Variants in SS18 observed in about 807,000 individuals in gnomAD.
SS18 encodes protein SSXT.
In SS18, 28 loss-of-function variants were observed where a neutral mutation model predicts 72.5. The observed-to-expected ratio is 0.39, with a 90% CI of 0.29 to 0.53. The LOEUF (loss-of-function observed/expected upper bound fraction) is 0.53. Among genes scored for constraint, SS18 ranks in the 20% least tolerant of loss-of-function variants. SS18 has a pLI of 0.76. For missense variants in SS18, 518 were observed against 535.3 expected (o/e 0.97, Z 0.32); for synonymous variants, 172 against 164.2 (o/e 1.05, Z -0.37).
At chr18:26,037,276 T>C (rs544205499) in intron 7 of SS18, among the ~76,000 whole-genome samples, 14 of 152,148 alleles carry the variant, frequency 9.2e-5, no homozygotes, top group Admixed American at 3.3e-4. Context: ...ACAATACACA[T>C]GTCACATTTC....
chr18:26,062,888 A>G (rs1267487714), intron 3 of SS18, among the ~76,000 whole-genome samples: 1 of 152,228 alleles, frequency 6.6e-6, no homozygotes, highest in Non-Finnish European at 1.5e-5. Context: ...AAAAGTTGAC[A>G]GAACTAAAAG....
intron 2 of SS18, chr18:26,080,412 T>G (rs964475356): frequency 1.0e-6 from 1 of 985,206 alleles, no homozygotes; most frequent in Admixed American, 6.1e-5. Context: ...CAGATGTGGT[T>G]TATTCATGAC....
In SS18 at chr18:26,073,727, T is replaced by G. The variant is rs193253925; in HGVS notation, c.231+4349A>C. Among the ~76,000 whole-genome samples the G allele has an allele frequency of 4.0e-3, 614 of 152,334 alleles. 1 individual carries two copies. The highest frequency in any genetic ancestry group is 5.8e-3 in the Non-Finnish European group (396 of 68,018). On this transcript the variant is annotated intron_variant, in intron 3 of 10. Coordinates refer to ENST00000415083, the MANE Select transcript of SS18 (RefSeq NM_001007559.3). ...TAAAAATTATTTTGTAAATTCTCCA[T>G]GTCTTGTAAATAAATATTCAGTGAC...
chr18:26,083,831 TAA>T (rs1419685412), intron 2 of SS18, among the ~76,000 whole-genome samples: 1 of 152,176 alleles, frequency 6.6e-6, no homozygotes, highest in African/African-American at 2.4e-5. Flanking sequence ...TATCCACAGT[TAA>T]ACCAAAGAAG....
intron 2 of SS18, among the ~76,000 whole-genome samples, chr18:26,083,318 C>G (rs1161968879): frequency 6.6e-6 from 1 of 152,106 alleles, no homozygotes; most frequent in East Asian, 1.9e-4. Flanking sequence ...TAGACCTAAA[C>G]ATACACTATC....
Position 26,056,915 on chromosome 18 carries a change from A to C in SS18, c.385+674T>G, listed in dbSNP as rs193101244. The stretch of plus-strand genomic sequence containing the variant: ...TTTCAAACCAGCCAAAGGTAACTAA[A>C]TCAGCATCCAATGTCTTAAAACATA... On this transcript the variant is annotated intron_variant, in intron 4 of 10. Coordinates refer to ENST00000415083, the MANE Select transcript of SS18 (RefSeq NM_001007559.3). Among the ~76,000 whole-genome samples the C allele has an allele frequency of 1.2e-3, 179 of 152,350 alleles. 1 individual carries two copies. Among genetic ancestry groups the C allele is most frequent in the African/African-American group, 4.2e-3 (176 of 41,586 alleles).
chr18:26,054,965 C>G (rs975270940), intron 4 of SS18, among the ~76,000 whole-genome samples: 1 of 151,914 alleles, frequency 6.6e-6, no homozygotes, highest in Non-Finnish European at 1.5e-5. Context: ...TCTTGAACTC[C>G]TGACCTCAAC....
chr18:26,021,647 T>G (rs1266410953), intron 10 of SS18, among the ~76,000 whole-genome samples: 1 of 151,878 alleles, frequency 6.6e-6, no homozygotes, highest in Non-Finnish European at 1.5e-5. Context: ...AAGATAAGGG[T>G]GTAGGTTAGA....
At chr18:26,053,642 G>A (rs2053962302) in intron 4 of SS18, among the ~76,000 whole-genome samples, 2 of 150,408 alleles carry the variant, frequency 1.3e-5, no homozygotes, top group African/African-American at 5.0e-5. Context: ...AAAAGAATGG[G>A]CAAAGGACAT....
intron 5 of SS18, among the ~76,000 whole-genome samples, chr18:26,050,328 T>C (rs1215003734): frequency 6.6e-6 from 1 of 152,018 alleles, no homozygotes; most frequent in Admixed American, 6.5e-5. Flanking sequence ...AATACTAGCT[T>C]AGTTGCTGAA....
intron 10 of SS18, among the ~76,000 whole-genome samples, chr18:26,031,023 A>C (rs1299013025): frequency 6.6e-6 from 1 of 152,218 alleles, no homozygotes; most frequent in Non-Finnish European, 1.5e-5. Context: ...GACCTACTGC[A>C]GTATCAAACA....
rs557055933 is a variant in SS18, at chr18:26,081,779, T to C, written c.147-3619A>G. On this transcript the variant is annotated intron_variant, in intron 2 of 10. Transcript: ENST00000415083. The stretch of plus-strand genomic sequence containing the variant: ...ATTCCTAAAACAGTATATGTTGTGC[T>C]GGGCACAGTGGCTCACACCTGTAAT... Among the ~76,000 whole-genome samples, 5 of 151,390 alleles carry C rather than the reference T, an allele frequency of 3.3e-5. No individual in the cohort carries two copies. In the South Asian group the frequency reaches 6.2e-4, roughly 19 times the overall value.
chr18:26,020,323 A>C (rs2053326135), intron 10 of SS18, among the ~76,000 whole-genome samples: 2 of 152,108 alleles, frequency 1.3e-5, no homozygotes, highest in South Asian at 4.1e-4. Context: ...GTTTGTTATG[A>C]TGCTTAAATA....
chr18:26,022,764 A>G (rs780925023), intron 10 of SS18, among the ~76,000 whole-genome samples: 1 of 152,240 alleles, frequency 6.6e-6, no homozygotes, highest in Non-Finnish European at 1.5e-5. Flanking sequence ...CCTCCTATTC[A>G]GCATAGTACA....
intron 2 of SS18, among the ~76,000 whole-genome samples, chr18:26,086,632 A>C (rs2054620291): frequency 6.6e-6 from 1 of 152,214 alleles, no homozygotes; most frequent in Admixed American, 6.5e-5. Flanking sequence ...ATTACTTTTG[A>C]TAATATATTC....
At chr18:26,068,123 T>A (rs2054251027) in intron 3 of SS18, 1 of 152,148 alleles carries the variant, frequency 6.6e-6, no homozygotes, top group African/African-American at 2.4e-5. Flanking sequence ...CACAGACCCG[T>A]ATCAGTCCAT....
chr18:26,090,734 T>C, upstream of SS18: 1 of 675,124 alleles, frequency 1.5e-6, no homozygotes, highest in Non-Finnish European at 2.5e-6. Context: ...GGAGGCACTC[T>C]GGCCAGGGAT....
chr18:26,030,708 T>C (rs1423414469), intron 10 of SS18, among the ~76,000 whole-genome samples: 2 of 152,054 alleles, frequency 1.3e-5, no homozygotes, highest in Non-Finnish European at 2.9e-5. Context: ...GTTCTGTACA[T>C]TTGGATAAAA....
rs1479595654 is a variant in SS18, at chr18:26,016,677, T to G, written c.*1677A>C. ...GGCGGAGGTTGCAGTGAGCTGAGAT[T>G]GCGCCACTGCACTCCAGCCTGGGCG... On this transcript the variant is annotated 3_prime_UTR_variant, in exon 11 of 11. Coordinates refer to ENST00000415083, the MANE Select transcript of SS18 (RefSeq NM_001007559.3). 5.1e-6 allele frequency: 1 copy of G among 195,470 alleles called. No homozygotes were observed. Among genetic ancestry groups the G allele is most frequent in the African/African-American group, 2.3e-5 (1 of 42,924 alleles). 12.1% of individuals were successfully genotyped at this position (195,470 alleles called of 1,614,324 possible).
Sources: gnomAD v4.1 joint callset for allele counts (sites outside exome capture counted in the v4.1 genomes callset) on GRCh38, gnomAD v4.1.1 for gene constraint, MANE v1.5 for transcripts, NCBI Gene and HGNC (gene_info 2026-07-23, HGNC 2026-07-21) for gene names.